Variants in ADGRG2 observed in about 807,000 individuals in gnomAD.
ADGRG2 encodes adhesion G protein-coupled receptor G2, also known as G protein-coupled receptor 64.
ADGRG2 carries 26 observed loss-of-function variants against 74.1 expected under a neutral mutation model. The ratio of observed to expected loss-of-function variants is 0.35; its 90% CI spans 0.26 to 0.49. ADGRG2 has a LOEUF of 0.49. Ranked by LOEUF, ADGRG2 falls within the 20% of genes least tolerant of loss-of-function variation. The probability of loss-of-function intolerance (pLI) is 0.99; values close to 1 mark genes in which losing one functional copy is unlikely to be tolerated. For missense variants in ADGRG2, 619 were observed against 763.1 expected (o/e 0.81, Z 2.22); for synonymous variants, 296 against 295.2 (o/e 1.00, Z -0.03).
At chrX:19,009,532 G>A (rs1035019617) in intron 18 of ADGRG2, 94 bp downstream of exon 18, 5 of 803,567 alleles carry the variant, frequency 6.2e-6, no homozygotes, top group African/African-American at 6.1e-5. Context: ...TATCACCCCT[G>A]ACTATAAGCA....
intron 28 of ADGRG2, among the ~76,000 whole-genome samples, chrX:18,993,743 G>A (rs751901348): frequency 5.7e-4 from 62 of 108,898 alleles, no homozygotes; most frequent in African/African-American, 8.3e-4. Flanking sequence ...TTCAGGAAAC[G>A]GGAAAACTGG....
chrX:19,028,366 C>A, intron 9 of ADGRG2, 128 bp from the exon 10 acceptor site: 1 of 349,127 alleles, frequency 2.9e-6, no homozygotes, highest in South Asian at 8.6e-5. Context: ...TTTACTTTGT[C>A]AGTAAGTTAC....
chrX:19,019,080 C>T (rs1459322806), intron 15 of ADGRG2, among the ~76,000 whole-genome samples: 2 of 111,728 alleles, frequency 1.8e-5, no homozygotes, highest in Admixed American at 9.5e-5. Flanking sequence ...CTCCTGACCT[C>T]GTGATCCGCC....
chrX:19,025,149 A>G (rs1335042024), intron 11 of ADGRG2, among the ~76,000 whole-genome samples: 3 of 111,578 alleles, frequency 2.7e-5, no homozygotes, highest in African/African-American at 9.8e-5. Context: ...GCTGCTCTAC[A>G]TTCAGAGACT....
intron 1 of ADGRG2, among the ~76,000 whole-genome samples, chrX:19,094,178 G>A (rs1436114056): frequency 6.3e-5 from 7 of 111,161 alleles, no homozygotes; most frequent in Non-Finnish European, 1.1e-4. Flanking sequence ...TGGACACAGA[G>A]TATGGATAGA....
chrX:18,989,374 G>T lies in ADGRG2; in HGVS notation c.*1490C>A, dbSNP rs1477255916. On this transcript the variant is annotated 3_prime_UTR_variant, in exon 29 of 29. Coordinates refer to ENST00000379869, the MANE Select transcript of ADGRG2 (RefSeq NM_001079858.3). ...TTTTGATTTTAACATATAAATACAA[G>T]AAAATTAAATAAATCAGAAAAGAAA... 2 of 112,393 alleles carry T rather than the reference G, an allele frequency of 1.8e-5. No homozygotes were observed. Among genetic ancestry groups the T allele is most frequent in the Non-Finnish European group, 3.8e-5 (2 of 53,316 alleles). 9.3% of individuals were successfully genotyped at this position (112,393 alleles called of 1,213,427 possible).
At chrX:19,054,036 C>T (rs2061371301) in intron 3 of ADGRG2, among the ~76,000 whole-genome samples, 1 of 111,986 alleles carries the variant, frequency 8.9e-6, no homozygotes, top group African/African-American at 3.2e-5. Context: ...ATTATGGGAG[C>T]TGCAATTCAA....
At chrX:19,087,185 G>C (rs1450699176) in intron 1 of ADGRG2, among the ~76,000 whole-genome samples, 1 of 112,176 alleles carries the variant, frequency 8.9e-6, no homozygotes, top group Non-Finnish European at 1.9e-5. Context: ...GGTTTGTTCA[G>C]TTCTGAATGC....
At position 19,083,088 on chromosome X, in the gene ADGRG2, C is replaced by G. The variant is rs922386142; in HGVS notation, c.-46-342G>C. Among the ~76,000 whole-genome samples the G allele has an allele frequency of 9.9e-5, 11 of 111,224 alleles. No homozygotes were observed. In the East Asian group the frequency reaches 3.1e-3, roughly 31 times the overall value. On this transcript the variant is annotated intron_variant, in intron 1 of 28. Transcript: ENST00000379869. ...GCATGATCTCGGCTCACTGCAGCCT[C>G]TACCTCCCAGGTTCAAGCAATTCTC... is the stretch of plus-strand genomic sequence containing the variant.
chrX:19,077,685 T>C (rs2061775543), intron 2 of ADGRG2, among the ~76,000 whole-genome samples: 2 of 111,490 alleles, frequency 1.8e-5, no homozygotes, highest in East Asian at 2.8e-4. Flanking sequence ...AGTAAAGAGA[T>C]GGAAAAGATA....
chrX:19,122,854 C>G (rs1233300961), upstream of ADGRG2, among the ~76,000 whole-genome samples: 1 of 111,812 alleles, frequency 8.9e-6, no homozygotes, highest in Non-Finnish European at 1.9e-5. Context: ...CCAGCGAGCT[C>G]CTCCTTGGGG....
chrX:19,110,685 C>CA (rs1341823890), intron 1 of ADGRG2, among the ~76,000 whole-genome samples: 21 of 58,782 alleles, frequency 3.6e-4, no homozygotes, highest in South Asian at 1.7e-3. Context: ...GACTCTATCT[C>CA]AAAAAAAAAC....
chrX:19,088,987 C>T (rs770610085), intron 1 of ADGRG2, among the ~76,000 whole-genome samples: 3 of 111,266 alleles, frequency 2.7e-5, no homozygotes, highest in East Asian at 5.6e-4. Flanking sequence ...ATATCTGCCA[C>T]GTGAGATGTA....
chrX:19,106,174 A>G (rs1258778578), intron 1 of ADGRG2, among the ~76,000 whole-genome samples: 14 of 108,943 alleles, frequency 1.3e-4, no homozygotes, highest in Non-Finnish European at 2.7e-4. Context: ...ATCCCACTTG[A>G]GGGTATGGAT....
At chrX:19,104,368 T>G (rs958954216) in intron 1 of ADGRG2, among the ~76,000 whole-genome samples, 1 of 110,665 alleles carries the variant, frequency 9.0e-6, no homozygotes, top group Non-Finnish European at 1.9e-5. Flanking sequence ...TTGACTGGGG[T>G]GTCCAGAAAA....
intron 15 of ADGRG2, among the ~76,000 whole-genome samples, chrX:19,014,423 A>G (rs769419007): frequency 8.1e-5 from 9 of 111,752 alleles, no homozygotes; most frequent in Non-Finnish European, 1.3e-4. Flanking sequence ...TCGTGACCCA[A>G]CTGGTTTTCA....
At chrX:19,090,590 C>T (rs2062001622) in intron 1 of ADGRG2, among the ~76,000 whole-genome samples, 1 of 112,000 alleles carries the variant, frequency 8.9e-6, no homozygotes, top group African/African-American at 3.2e-5. Flanking sequence ...GACATCAAGC[C>T]ACTCAGTACA....
At chrX:19,002,784 A>G in intron 24 of ADGRG2, 62 bp downstream of exon 24, 1 of 1,096,832 alleles carries the variant, frequency 9.1e-7, no homozygotes, top group Non-Finnish European at 1.2e-6. Flanking sequence ...CTGCTCAAAA[A>G]TCAAAACACT....
chrX:19,097,171 C>G (rs2062110161), intron 1 of ADGRG2, among the ~76,000 whole-genome samples: 1 of 112,534 alleles, frequency 8.9e-6, no homozygotes, highest in South Asian at 3.6e-4. Flanking sequence ...AATATCACAC[C>G]TGACCTCTTC....
Sources: gnomAD v4.1 joint callset for allele counts (sites outside exome capture counted in the v4.1 genomes callset) on GRCh38, gnomAD v4.1.1 for gene constraint, MANE v1.5 for transcripts, NCBI Gene and HGNC (gene_info 2026-07-23, HGNC 2026-07-21) for gene names.